The following PRRC2B variants were observed in gnomAD, a reference collection of about 807,000 sequenced individuals.
The protein encoded by PRRC2B is protein PRRC2B.
A neutral mutation model predicts 242.3 loss-of-function variants in PRRC2B; 68 were observed. The observed-to-expected ratio is 0.28, with a 90% CI of 0.23 to 0.34. The LOEUF is 0.34. Among genes scored for constraint, PRRC2B ranks in the 10% least tolerant of loss-of-function variants. The pLI is 1.00. For missense variants in PRRC2B, 2,835 were observed against 2,954.8 expected (o/e 0.96, Z 0.94); for synonymous variants, 1,228 against 1,173.6 (o/e 1.05, Z -0.95).
At chr9:131,430,790 C>G (rs1055857611) in intron 2 of PRRC2B, among the ~76,000 whole-genome samples, 14 of 147,970 alleles carry the variant, frequency 9.5e-5, no homozygotes, top group African/African-American at 3.5e-4. Context: ...ATGGGGTTTC[C>G]CCATGTTAGT....
intron 9 of PRRC2B, among the ~76,000 whole-genome samples, chr9:131,453,322 C>G (rs886078988): frequency 6.6e-6 from 1 of 152,212 alleles, no homozygotes; most frequent in African/African-American, 2.4e-5. Context: ...CACGTAATTG[C>G]AACTTGCTTT....
intron 1 of PRRC2B, among the ~76,000 whole-genome samples, chr9:131,386,392 T>C (rs1241784756): frequency 6.6e-6 from 1 of 150,382 alleles, no homozygotes; most frequent in African/African-American, 2.4e-5. Context: ...CCCGTGATTA[T>C]AGGTGTGAGC....
chr9:131,439,737 C>T (rs1474239645), intron 5 of PRRC2B, among the ~76,000 whole-genome samples: 1 of 152,132 alleles, frequency 6.6e-6, no homozygotes, highest in Non-Finnish European at 1.5e-5. Context: ...ATTTCAGTGC[C>T]CCAGCTTCTC....
intron 16 of PRRC2B, among the ~76,000 whole-genome samples, chr9:131,476,788 G>C (rs974196777): frequency 1.3e-5 from 2 of 150,164 alleles, no homozygotes; most frequent in Non-Finnish European, 3.0e-5. Flanking sequence ...CCTGACCTGA[G>C]AGTCCAGTCA....
chr9:131,407,052 T>C (rs1249124570), intron 1 of PRRC2B, among the ~76,000 whole-genome samples: 5 of 152,226 alleles, frequency 3.3e-5, no homozygotes, highest in African/African-American at 1.2e-4. Context: ...CTCATATGGC[T>C]CCTTAGTGTG....
upstream of PRRC2B, among the ~76,000 whole-genome samples, chr9:131,390,566 T>A (rs139736333): frequency 3.4e-3 from 443 of 130,854 alleles, 11 homozygotes; most frequent in African/African-American, 0.011. Flanking sequence ...CAGTGCAAGC[T>A]CTGCCTCCCA....
At chr9:131,380,333 T>C (rs1836739399) in intron 1 of PRRC2B, among the ~76,000 whole-genome samples, 1 of 151,808 alleles carries the variant, frequency 6.6e-6, no homozygotes. Flanking sequence ...ATCTCAGCAC[T>C]TTGCGAGGCC....
intron 5 of PRRC2B, among the ~76,000 whole-genome samples, chr9:131,439,485 C>A (rs1439693800): frequency 6.6e-6 from 1 of 152,168 alleles, no homozygotes; most frequent in Non-Finnish European, 1.5e-5. Context: ...CCCTTTATTA[C>A]CCTTTGCCAC....
intron 14 of PRRC2B, among the ~76,000 whole-genome samples, chr9:131,472,924 T>C (rs904619223): frequency 6.6e-6 from 1 of 152,222 alleles, no homozygotes; most frequent in African/African-American, 2.4e-5. Context: ...CATTTCTATA[T>C]GTTAGTGGTT....
upstream of PRRC2B, among the ~76,000 whole-genome samples, chr9:131,390,098 A>G (rs1276910429): frequency 6.7e-6 from 1 of 149,426 alleles, no homozygotes; most frequent in Non-Finnish European, 1.5e-5. Flanking sequence ...TATTTTTGGT[A>G]GAGACAGGGT....
At chr9:131,382,679 C>T (rs918921678) in intron 1 of PRRC2B, among the ~76,000 whole-genome samples, 7 of 151,694 alleles carry the variant, frequency 4.6e-5, no homozygotes, top group Admixed American at 3.3e-4. Flanking sequence ...GCTCTGTTGC[C>T]TGTCGCCCAG....
At chr9:131,384,651 C>A (rs1339658557) in intron 1 of PRRC2B, among the ~76,000 whole-genome samples, 2 of 152,022 alleles carry the variant, frequency 1.3e-5, no homozygotes, top group Admixed American at 6.6e-5. Flanking sequence ...AACTCTTGAC[C>A]TTGTGATCCA....
rs142148240 is a variant in PRRC2B, at chr9:131,442,477, TC to T, written c.470-1707del. On this transcript the variant is annotated intron_variant, in intron 5 of 31. Coordinates refer to ENST00000683519, the MANE Select transcript of PRRC2B (RefSeq NM_013318.4). ...GCTCCTTCATGACACTTAGAGTCCA[TC>T]TCTGGCTGGTCATTGGTGAATGGTG... Among the ~76,000 whole-genome samples, 1,417 of 152,276 alleles carry T rather than the reference TC, an allele frequency of 9.3e-3. 28 individuals carry two copies. Among genetic ancestry groups the T allele is most frequent in the African/African-American group, 0.032 (1,341 of 41,564 alleles).
Position 131,492,191 on chromosome 9 carries a change from G to A in PRRC2B, c.6404G>A (p.Gly2135Asp). The change falls in exon 30 of 32, where the codon GGC becomes GAC. Residue 2135 changes from glycine to aspartate, a missense_variant. By Grantham distance (94) the Gly-to-Asp change is moderately conservative. This residue lies in a region of PRRC2B where 574 missense variants were observed against 626.0 expected (regional missense o/e 0.92). Transcript: ENST00000683519. Reference protein sequence around the residue: ...SREPSQMEMKGFHFADSKQNV... With the variant: ...SREPSQMEMKDFHFADSKQNV... ...TAGCCCTCTCAGATGGAGATGAAAG[G>A]CTTCCACTTTGCCGACAGTAAACAG... is the stretch of plus-strand genomic sequence containing the variant. The A allele has an allele frequency of 6.2e-7, 1 of 1,613,838 alleles. No homozygotes were observed.
intron 1 of PRRC2B, among the ~76,000 whole-genome samples, chr9:131,422,936 T>C (rs1193925732): frequency 2.0e-5 from 3 of 152,224 alleles, no homozygotes; most frequent in East Asian, 3.8e-4. Context: ...TATTTTCTTT[T>C]AGGCTGGCAA....
At chr9:131,378,854 G>A (rs770423580) in intron 1 of PRRC2B, among the ~76,000 whole-genome samples, 15 of 152,100 alleles carry the variant, frequency 9.9e-5, no homozygotes, top group Non-Finnish European at 1.8e-4. Context: ...GAGTAGCTGG[G>A]ACTGCAGGTA....
chr9:131,443,497 G>A (rs1214392448), intron 5 of PRRC2B, among the ~76,000 whole-genome samples: 6 of 151,464 alleles, frequency 4.0e-5, no homozygotes, highest in African/African-American at 1.2e-4. Context: ...GCAGTGGCAC[G>A]TTTTCGGCTC....
At chr9:131,436,301 G>C (rs769421982) in intron 3 of PRRC2B, among the ~76,000 whole-genome samples, 1 of 152,134 alleles carries the variant, frequency 6.6e-6, no homozygotes. Context: ...GGAAGCAGAG[G>C]TTGCATTGAG....
intron 1 of PRRC2B, among the ~76,000 whole-genome samples, chr9:131,399,589 A>G (rs1303391343): frequency 6.6e-6 from 1 of 152,144 alleles, no homozygotes; most frequent in Non-Finnish European, 1.5e-5. Flanking sequence ...AAAAAAAAGG[A>G]AAATACTGAA....
Sources: gnomAD v4.1 joint callset for allele counts (sites outside exome capture counted in the v4.1 genomes callset) on GRCh38, gnomAD v4.1.1 for gene constraint, gnomAD v4.1.1 regional missense constraint, MANE v1.5 for transcripts, NCBI Gene and HGNC (gene_info 2026-07-23, HGNC 2026-07-21) for gene names.